The following ROBO1 variants were observed in gnomAD, a reference collection of about 807,000 sequenced individuals.
ROBO1 encodes the protein roundabout guidance receptor 1, also known as roundabout homolog 1.
A neutral mutation model predicts 195.9 loss-of-function variants in ROBO1; 149 were observed. The observed-to-expected ratio is 0.76, with a 90% CI of 0.67 to 0.87. ROBO1 has a LOEUF of 0.87. ROBO1 is among the 40% of genes least tolerant of loss of function. ROBO1 has a pLI of 0.00. For missense variants in ROBO1, 1,933 were observed against 2,068.3 expected (o/e 0.93, Z 1.27); for synonymous variants, 816 against 733.2 (o/e 1.11, Z -1.82).
At chr3:79,043,763 GCAAA>G (rs2078532995) in intron 3 of ROBO1, among the ~76,000 whole-genome samples, 1 of 152,002 alleles carries the variant, frequency 6.6e-6, no homozygotes, top group Admixed American at 6.6e-5. Context: ...GCTAAACTAG[GCAAA>G]CAAAGAACTC....
In ROBO1 at chr3:79,287,146, T is replaced by C. The variant is rs186880436; in HGVS notation, c.89-161607A>G. On this transcript the variant is annotated intron_variant, in intron 2 of 30. Coordinates refer to ENST00000464233, the MANE Select transcript of ROBO1 (RefSeq NM_002941.4). ...AAATTCTTCAGTTTGTTGAAGAGGG[T>C]TCGTAATAGACTAGTTCAACATCTG... is the stretch of plus-strand genomic sequence containing the variant. 1.4e-3 allele frequency among the ~76,000 whole-genome samples: 220 copies of C among 152,286 alleles called. 1 individual carries two copies. The highest frequency in any genetic ancestry group is 5.0e-3 in the African/African-American group (209 of 41,562).
At chr3:78,705,922 A>G (rs2081540109) in intron 8 of ROBO1, among the ~76,000 whole-genome samples, 1 of 152,128 alleles carries the variant, frequency 6.6e-6, no homozygotes, top group South Asian at 2.1e-4. Flanking sequence ...ACCAATACTT[A>G]TAATAAATCT....
intron 1 of ROBO1, among the ~76,000 whole-genome samples, chr3:79,741,001 G>A (rs1316695691): frequency 3.3e-5 from 5 of 152,184 alleles, no homozygotes; most frequent in African/African-American, 1.2e-4. Context: ...AGTGCAGATT[G>A]TTCAGTCAAA....
intron 26 of ROBO1, among the ~76,000 whole-genome samples, chr3:78,625,238 G>T (rs746283812): frequency 3.9e-5 from 6 of 152,168 alleles, no homozygotes; most frequent in Admixed American, 2.0e-4. Flanking sequence ...GGCCATTTTG[G>T]ATTAAAGTGA....
intron 4 of ROBO1, among the ~76,000 whole-genome samples, chr3:78,804,596 C>G (rs987990599): frequency 1.3e-5 from 2 of 151,814 alleles, no homozygotes; most frequent in African/African-American, 4.8e-5. Context: ...TCTTTTTACT[C>G]TGAAAAAATA....
intron 4 of ROBO1, among the ~76,000 whole-genome samples, chr3:78,873,494 T>A (rs1327898480): frequency 1.3e-5 from 2 of 152,152 alleles, no homozygotes; most frequent in Non-Finnish European, 2.9e-5. Flanking sequence ...ATGAACGTGT[T>A]TAATTACTTG....
intron 1 of ROBO1, among the ~76,000 whole-genome samples, chr3:79,735,018 C>A (rs1703317859): frequency 6.6e-6 from 1 of 152,130 alleles, no homozygotes; most frequent in Non-Finnish European, 1.5e-5. Flanking sequence ...CATTAAAATC[C>A]ATTTTCTAAT....
intron 3 of ROBO1, among the ~76,000 whole-genome samples, chr3:79,113,663 A>T (rs559439523): frequency 6.6e-6 from 1 of 152,200 alleles, no homozygotes; most frequent in South Asian, 2.1e-4. Flanking sequence ...GCTACTTGGG[A>T]GGCTGAGGCA....
chr3:78,982,908 C>T (rs1442901908), intron 3 of ROBO1, among the ~76,000 whole-genome samples: 1 of 151,870 alleles, frequency 6.6e-6, no homozygotes, highest in Admixed American at 6.6e-5. Flanking sequence ...TGTGAGACAC[C>T]ACATCTTTTT....
intron 3 of ROBO1, chr3:79,019,340 A>T (rs1409652713): frequency 2.5e-5 from 25 of 985,558 alleles, no homozygotes; most frequent in Non-Finnish European, 1.2e-6. Flanking sequence ...GGTGGCAGAG[A>T]AGGGCAGAGA....
chr3:79,310,284 A>G (rs1456421684), intron 2 of ROBO1, among the ~76,000 whole-genome samples: 1 of 152,192 alleles, frequency 6.6e-6, no homozygotes, highest in Non-Finnish European at 1.5e-5. Flanking sequence ...TCTGGTTGGC[A>G]GCTGCTAGTA....
intron 3 of ROBO1, among the ~76,000 whole-genome samples, chr3:79,044,831 C>T (rs1315498941): frequency 6.6e-6 from 1 of 151,730 alleles, no homozygotes; most frequent in Non-Finnish European, 1.5e-5. Flanking sequence ...TGTAATCAGA[C>T]CCAGCCTTTA....
chr3:79,759,366 A>C (rs1315881004), intron 1 of ROBO1, among the ~76,000 whole-genome samples: 1 of 152,178 alleles, frequency 6.6e-6, no homozygotes, highest in Non-Finnish European at 1.5e-5. Flanking sequence ...TGTTGTGCTG[A>C]AATGTTCTGT....
At chr3:79,112,943 T>G (rs1311027237) in intron 3 of ROBO1, among the ~76,000 whole-genome samples, 2 of 151,672 alleles carry the variant, frequency 1.3e-5, no homozygotes, top group Admixed American at 1.3e-4. Flanking sequence ...AGAAAAAAAT[T>G]GAGATGTGGT....
intron 3 of ROBO1, among the ~76,000 whole-genome samples, chr3:79,084,226 C>T (rs1306812505): frequency 2.0e-5 from 3 of 152,224 alleles, no homozygotes; most frequent in East Asian, 1.9e-4. Context: ...TAAAGGCCGG[C>T]GGTGGCTCAC....
intron 2 of ROBO1, among the ~76,000 whole-genome samples, chr3:79,563,715 A>C (rs972533542): frequency 1.1e-4 from 16 of 152,074 alleles, no homozygotes; most frequent in African/African-American, 3.6e-4. Flanking sequence ...CTTTCACAGT[A>C]CATCAGAGAG....
intron 2 of ROBO1, among the ~76,000 whole-genome samples, chr3:79,151,159 T>G: frequency 6.6e-6 from 1 of 151,862 alleles, no homozygotes; most frequent in East Asian, 1.9e-4. Context: ...TCCATCATGA[T>G]TGCAAGGCCT....
At chr3:79,148,521 G>T (rs1047059454) in intron 2 of ROBO1, among the ~76,000 whole-genome samples, 2 of 151,584 alleles carry the variant, frequency 1.3e-5, no homozygotes, top group African/African-American at 4.8e-5. Context: ...GCATGACATG[G>T]GAAGAACAAA....
chr3:79,125,580 A>G lies in ROBO1; in HGVS notation c.89-41T>C, dbSNP rs567425146. 5 of 1,476,094 alleles carry G rather than the reference A, an allele frequency of 3.4e-6. No individual in the cohort carries two copies. In the African/African-American group the frequency reaches 5.5e-5, roughly 16 times the overall value. The allele number at this position is 1,476,094 out of a possible 1,614,324, so 91.4% of individuals were successfully genotyped here. A position where few individuals can be genotyped will look rare whatever the true frequency, so the allele number is the denominator to read the frequency against. The stretch of plus-strand genomic sequence containing the variant: ...CCAGAGCTGCTGATGGGGTCACAGT[A>G]GTAACAGTAGTTGCCATTTCGATCA... On this transcript the variant is annotated intron_variant, in intron 2 of 30. Transcript: ENST00000464233.
Sources: gnomAD v4.1 joint callset for allele counts (sites outside exome capture counted in the v4.1 genomes callset) on GRCh38, gnomAD v4.1.1 for gene constraint, MANE v1.5 for transcripts, NCBI Gene and HGNC (gene_info 2026-07-23, HGNC 2026-07-21) for gene names.